Variants in ZFHX4 observed in about 807,000 individuals in gnomAD.
The protein encoded by ZFHX4 is zinc finger homeobox 4.
ZFHX4 carries 56 observed loss-of-function variants against 267.6 expected under a neutral mutation model. The ratio of observed to expected loss-of-function variants is 0.21; its 90% CI spans 0.17 to 0.26. The LOEUF (loss-of-function observed/expected upper bound fraction) is 0.26, where lower values mean the gene tolerates loss of function less well. Among genes scored for constraint, ZFHX4 ranks in the 10% least tolerant of loss-of-function variants. The pLI is 1.00. For missense variants in ZFHX4, 4,332 were observed against 4,420.0 expected, an observed-to-expected ratio of 0.98 and a Z score of 0.56; for synonymous variants, 1,778 against 1,665.6, an observed-to-expected ratio of 1.07 and a Z score of -1.64.
At chr8:76,821,186 T>C (rs1289046691) in intron 4 of ZFHX4, among the ~76,000 whole-genome samples, 1 of 152,138 alleles carries the variant, frequency 6.6e-6, no homozygotes, top group African/African-American at 2.4e-5. Context: ...TATTAATTTT[T>C]CCCTTTCCAC....
intron 3 of ZFHX4, among the ~76,000 whole-genome samples, chr8:76,737,552 T>C (rs537663702): frequency 5.9e-5 from 9 of 152,260 alleles, no homozygotes; most frequent in African/African-American, 1.7e-4. Flanking sequence ...CCTGGTCACA[T>C]ATTTGTTGTG....
chr8:76,710,262 T>C (rs915871496), intron 3 of ZFHX4, among the ~76,000 whole-genome samples: 36 of 152,278 alleles, frequency 2.4e-4, no homozygotes, highest in African/African-American at 8.7e-4. Flanking sequence ...TGCATTTTCT[T>C]TCAAGAAACA....
Position 76,829,040 on chromosome 8 carries a change from A to G in ZFHX4, c.3326-4298A>G, listed in dbSNP as rs1191862121. ...ATTAGTACTATGCTTGGCAACTTGA[A>G]CATATATCCATTATTTTAAAAATTC... On this transcript the variant is annotated intron_variant, in intron 4 of 10. Transcript: ENST00000651372. Among the ~76,000 whole-genome samples, 5 of 152,256 alleles carry G rather than the reference A, an allele frequency of 3.3e-5. No individual in the cohort carries two copies. In the East Asian group the frequency reaches 7.7e-4, roughly 24 times the overall value.
chr8:76,697,018 T>C (rs1161186239), intron 1 of ZFHX4, among the ~76,000 whole-genome samples: 2 of 152,014 alleles, frequency 1.3e-5, no homozygotes, highest in Non-Finnish European at 2.9e-5. Context: ...TGACTTGTGA[T>C]TGATTTTATG....
In ZFHX4 at chr8:76,854,670, C is replaced by G; in HGVS notation, c.7749C>G (p.Asp2583Glu). 1 of 1,613,436 alleles carries G rather than the reference C, an allele frequency of 6.2e-7. No individual in the cohort carries two copies. Among genetic ancestry groups the G allele is most frequent in the Non-Finnish European group, 8.5e-7 (1 of 1,179,816 alleles). The change falls in exon 10 of 11, where the codon GAC becomes GAG. Residue 2583 changes from aspartate to glutamate, a missense_variant. By Grantham distance (45) the Asp-to-Glu change is conservative. Around this residue, in one of 7 missense-constraint regions of ZFHX4, gnomAD observed 1,648 missense variants for 1,625.0 expected, o/e 1.01. Transcript: ENST00000651372. The part of the protein sequence containing the change: ...TVAASLKRKL[D>E]DKEDNNCSEK... ...CTGCTTCCCTAAAAAGGAAACTAGA[C>G]GATAAAGAAGATAATAATTGCAGTG...
intron 4 of ZFHX4, among the ~76,000 whole-genome samples, chr8:76,796,031 G>A (rs1035748536): frequency 6.6e-5 from 10 of 152,108 alleles, no homozygotes; most frequent in African/African-American, 2.2e-4. Context: ...GTTTTGCATG[G>A]TAGTTTAAAT....
chr8:76,753,680 G>C (rs1344764776), intron 3 of ZFHX4, among the ~76,000 whole-genome samples: 1 of 146,104 alleles, frequency 6.8e-6, no homozygotes, highest in Non-Finnish European at 1.5e-5. Context: ...TGTCACCAAG[G>C]CTGGAGTGCA....
Position 76,850,306 on chromosome 8 carries a change from A to G in ZFHX4, c.3908A>G (p.Lys1303Arg). 1 of 1,613,320 alleles carries G rather than the reference A, an allele frequency of 6.2e-7. No homozygotes were observed. The highest frequency in any genetic ancestry group is 8.5e-7 in the Non-Finnish European group (1 of 1,179,684). Residue 1303 changes from lysine to arginine, a missense_variant, in exon 9 of 11, where the codon AAA becomes AGA. Physicochemically the swap from Lys to Arg is conservative, Grantham distance 26 (BLOSUM62 2). Coordinates refer to ENST00000651372, the MANE Select transcript of ZFHX4 (RefSeq NM_024721.5). ...CTACTGCCAGCAGCTGCCTCTGAGA[A>G]ATCAGAGCGGGACACACCTGCAGCC... is the stretch of plus-strand genomic sequence containing the variant. Reference protein sequence around the residue: ...SMLLPAAASEKSERDTPAAVT... With the variant: ...SMLLPAAASERSERDTPAAVT...
In ZFHX4 at chr8:76,706,025, G is replaced by A. The variant is rs1344198846; in HGVS notation, c.1937G>A (p.Cys646Tyr). 6.2e-7 allele frequency: 1 copy of A among 1,613,650 alleles called. No individual in the cohort carries two copies. The highest frequency in any genetic ancestry group is 2.2e-5 in the East Asian group (1 of 44,826). The change falls in exon 2 of 11, where the codon TGT (cysteine) becomes TAT (tyrosine). Residue 646 changes from cysteine to tyrosine, a missense_variant. Coordinates refer to ENST00000651372, the MANE Select transcript of ZFHX4 (RefSeq NM_024721.5). Reference sequence around the variant, plus strand: ...AGGAACTCATGCAAAACCCTCAAATGTCCTAAATGTAACTGGCACTACAAA... The same window carrying A: ...AGGAACTCATGCAAAACCCTCAAATATCCTAAATGTAACTGGCACTACAAA... The part of the protein sequence containing the change: ...HSRNSCKTLK[C>Y]PKCNWHYKYQ...
chr8:76,703,982 T>A, intron 1 of ZFHX4, 61 bp from the exon 2 acceptor site: 1 of 1,127,916 alleles, frequency 8.9e-7, no homozygotes, highest in South Asian at 1.7e-5. Context: ...AGTGATGGGC[T>A]ATTAGTGAGC....
At chr8:76,719,514 C>A (rs1808664738) in intron 3 of ZFHX4, among the ~76,000 whole-genome samples, 1 of 150,482 alleles carries the variant, frequency 6.6e-6, no homozygotes, top group Admixed American at 6.6e-5. Flanking sequence ...GACAGTAAGC[C>A]TTTTCTTTTT....
At position 76,706,576 on chromosome 8, in the gene ZFHX4, G is replaced by C. The variant is rs374480311; in HGVS notation, c.2488G>C (p.Gly830Arg). 90 of 1,611,252 alleles carry C rather than the reference G, an allele frequency of 5.6e-5. No individual in the cohort carries two copies. The Middle Eastern group carries it at 6.6e-4, about 12-fold the overall frequency. The change falls in exon 2 of 11, where the codon GGC (glycine) becomes CGC (arginine). Residue 830 changes from glycine (G) to arginine (R), a missense_variant. Coordinates refer to ENST00000651372, the MANE Select transcript of ZFHX4 (RefSeq NM_024721.5). ...LYQYYLAQNI[G>R]LTGMKLENPA... is the part of the protein sequence containing the mutation. ...TCAGTACTACCTAGCCCAGAACATAGGCCTGACCGGAATGAAGCTGGAAAA... is the reference window on the plus strand; with the variant it reads ...TCAGTACTACCTAGCCCAGAACATACGCCTGACCGGAATGAAGCTGGAAAA...
chr8:76,694,277 A>G (rs1038608866), intron 1 of ZFHX4, among the ~76,000 whole-genome samples: 14 of 152,204 alleles, frequency 9.2e-5, no homozygotes, highest in African/African-American at 3.1e-4. Flanking sequence ...ATAGTTTGGA[A>G]GGAAACTATT....
intron 3 of ZFHX4, among the ~76,000 whole-genome samples, chr8:76,710,471 C>T (rs1388089387): frequency 1.3e-5 from 2 of 151,982 alleles, no homozygotes; most frequent in African/African-American, 2.4e-5. Context: ...TAAATGAGAA[C>T]GTAACAACTT....
chr8:76,686,496 G>A (rs1264335579), intron 1 of ZFHX4, among the ~76,000 whole-genome samples: 3 of 152,048 alleles, frequency 2.0e-5, no homozygotes, highest in African/African-American at 7.2e-5. Flanking sequence ...TCTTAACTAT[G>A]CTTTATTCAG....
rs1477300015 is a variant in ZFHX4 at position 76,864,776 on chromosome 8, T to C, written c.*211T>C. The C allele has an allele frequency of 2.7e-6, 1 of 367,516 alleles. No individual in the cohort carries two copies. Among genetic ancestry groups the C allele is most frequent in the East Asian group, 4.2e-5 (1 of 24,044 alleles). The allele number at this position is 367,516 out of a possible 1,614,324, so 22.8% of individuals were successfully genotyped here. A position where few individuals can be genotyped will look rare whatever the true frequency, so the allele number is the denominator to read the frequency against. ...TGCAGATGGTTGAATGCGCTTGTAC[T>C]ATATGCTAAAATATGGAAAAGGAAA... On this transcript the variant is annotated 3_prime_UTR_variant, in exon 11 of 11. Transcript: ENST00000651372.
intron 1 of ZFHX4, among the ~76,000 whole-genome samples, chr8:76,699,744 C>CAAAAAAAAAAAAA (rs34108017): frequency 1.1e-5 from 1 of 89,718 alleles, no homozygotes; most frequent in Non-Finnish European, 2.5e-5. Flanking sequence ...GCAACTGATG[C>CAAAAAAAAAAAAA]AAAAAAAAAA....
chr8:76,688,415 T>C (rs942990807), intron 1 of ZFHX4, among the ~76,000 whole-genome samples: 19 of 152,160 alleles, frequency 1.2e-4, no homozygotes, highest in Admixed American at 1.2e-3. Flanking sequence ...AGGGTACTGA[T>C]GTATTTTCTT....
At chr8:76,759,090 T>C (rs1809841996) in intron 3 of ZFHX4, among the ~76,000 whole-genome samples, 2 of 152,222 alleles carry the variant, frequency 1.3e-5, no homozygotes, top group Admixed American at 6.5e-5. Context: ...GAAAATAAAA[T>C]GTCCAATTTT....
Sources: gnomAD v4.1 joint callset for allele counts (sites outside exome capture counted in the v4.1 genomes callset) on GRCh38, gnomAD v4.1.1 for gene constraint, gnomAD v4.1.1 regional missense constraint, MANE v1.5 for transcripts, NCBI Gene and HGNC (gene_info 2026-07-23, HGNC 2026-07-21) for gene names.